Variants in QARS1 observed in about 807,000 individuals in gnomAD.
QARS1 encodes the protein glutamine--tRNA ligase.
QARS1 carries 79 observed loss-of-function variants against 106.9 expected under a neutral mutation model. That is an observed-to-expected ratio of 0.74 (90% CI 0.62 to 0.89). The LOEUF (loss-of-function observed/expected upper bound fraction) is 0.89, where lower values mean the gene tolerates loss of function less well. QARS1 is among the 40% of genes least tolerant of loss of function. The probability of loss-of-function intolerance (pLI) is 0.00; values close to 1 mark genes in which losing one functional copy is unlikely to be tolerated. For missense variants in QARS1, 966 were observed against 997.2 expected, an observed-to-expected ratio of 0.97 and a Z score of 0.42; for synonymous variants, 395 against 367.7, an observed-to-expected ratio of 1.07 and a Z score of -0.85.
intron 5 of QARS1, 64 bp from the exon 6 acceptor site, chr3:49,102,536 C>T: frequency 1.3e-6 from 2 of 1,574,270 alleles, no homozygotes; most frequent in Non-Finnish European, 1.7e-6. Flanking sequence ...CCTGACTGAT[C>T]CTACCCACCA....
chr3:49,104,056 G>A lies in QARS1; in HGVS notation c.266-84C>T, dbSNP rs566750018. 31 of 1,328,140 alleles carry A rather than the reference G, an allele frequency of 2.3e-5. No homozygotes were observed. The South Asian group carries it at 3.8e-4, about 16-fold the overall frequency. 82.3% of individuals were successfully genotyped at this position (1,328,140 alleles called of 1,614,324 possible). A position where few individuals can be genotyped will look rare whatever the true frequency, so the allele number is the denominator to read the frequency against. On this transcript the variant is annotated intron_variant, in intron 2 of 23. Coordinates refer to ENST00000306125, the MANE Select transcript of QARS1 (RefSeq NM_005051.3). ...GGTCCTAATCTCATGAAACTCCAAG[G>A]ATAGTCTGGCCTCCTGAAAAGTTAA...
Position 49,100,655 on chromosome 3 carries a change from A to G in QARS1, c.896T>C (p.Phe299Ser). The G allele has an allele frequency of 6.2e-7, 1 of 1,604,862 alleles. No homozygotes were observed. Among genetic ancestry groups the G allele is most frequent in the Non-Finnish European group, 8.5e-7 (1 of 1,171,480 alleles). ...GYAKANNGIC[F>S]LRFDDTNPEK... ...AGGGTTGGTGTCATCAAAACGCAGA[A>G]AACAGATGCCATTGTTGGCCTAGGA... Residue 299 changes from phenylalanine (F) to serine (S), a missense_variant, in exon 11 of 24, where the codon TTT becomes TCT. Transcript: ENST00000306125.
chr3:49,101,054 T>G (rs2042463815), intron 10 of QARS1, among the ~76,000 whole-genome samples: 2 of 152,190 alleles, frequency 1.3e-5, no homozygotes, highest in African/African-American at 4.8e-5. Context: ...ATGTCAGAAT[T>G]AAAAATGTCT....
At position 49,103,579 on chromosome 3, in the gene QARS1, G is replaced by C. The variant is rs749605427; in HGVS notation, c.451+52C>G. 3.8e-6 allele frequency: 6 copies of C among 1,591,922 alleles called. No homozygotes were observed. The East Asian group carries it at 1.1e-4, about 30-fold the overall frequency. On this transcript the variant is annotated intron_variant, in intron 4 of 23. Transcript: ENST00000306125. Reference sequence around the variant, plus strand: ...ACCTCCTTCTCACTCGTGCCCAGAAGAAAAGGCATGACCAGAGAGAACAAT... The same window carrying C: ...ACCTCCTTCTCACTCGTGCCCAGAACAAAAGGCATGACCAGAGAGAACAAT...
rs747099336 is a variant in QARS1, at chr3:49,102,275, G to GC, written c.571-11dup. 3 of 1,614,172 alleles carry GC rather than the reference G, an allele frequency of 1.9e-6. No homozygotes were observed. In the South Asian group the frequency reaches 3.3e-5, roughly 18 times the overall value. ...GCCGAGCTTTTGCCACCTGAAAGAA[G>GC]CCCCAGGTGCTTCAGAAAATGGCAT... On this transcript the variant is annotated splice_polypyrimidine_tract_variant and intron_variant, in intron 6 of 23. Coordinates refer to ENST00000306125, the MANE Select transcript of QARS1 (RefSeq NM_005051.3).
rs752835038 is a variant in QARS1, at chr3:49,100,378, A to C, written c.1055+2T>G. The C allele has an allele frequency of 6.2e-7, 1 of 1,614,214 alleles. No individual in the cohort carries two copies. The highest frequency in any genetic ancestry group is 1.3e-5 in the African/African-American group (1 of 75,056). ...GGCTCTACGTCATGGCCCTGGCCTT[A>C]CCTGCGGATGAGCTCCACAGCCCAC... On this transcript the variant is annotated splice_donor_variant, in intron 12 of 23. Transcript: ENST00000306125. LOFTEE classifies it high-confidence loss of function.
At chr3:49,100,751 C>CA in intron 10 of QARS1, 77 bp from the exon 11 acceptor site, 1 of 1,197,920 alleles carries the variant, frequency 8.3e-7, no homozygotes, top group Non-Finnish European at 1.2e-6. Context: ...CTAGGATATT[C>CA]ACAGAGCACT....
chr3:49,103,254 A>G (rs577190314), intron 5 of QARS1, 91 bp downstream of exon 5: 1 of 1,375,868 alleles, frequency 7.3e-7, no homozygotes, highest in East Asian at 2.3e-5. Context: ...CACCATGCCC[A>G]GCCCTCTTCC....
chr3:49,098,908 T>C lies in QARS1; in HGVS notation c.1840A>G (p.Ile614Val), dbSNP rs749765066. Residue 614 changes from isoleucine (I) to valine (V), a missense_variant, in exon 19 of 24, where the codon ATT becomes GTT. Transcript: ENST00000306125. ...ACCTCCTTGAAGTCAGTCCTCTCAA[T>C]GAAGACAATGGGTGCAAAGGGAACC... ...HQVPFAPIVF[I>V]ERTDFKEEPE... is the part of the protein sequence containing the mutation. 2 of 1,613,880 alleles carry C rather than the reference T, an allele frequency of 1.2e-6. No homozygotes were observed. Among genetic ancestry groups the C allele is most frequent in the East Asian group, 4.5e-5 (2 of 44,882 alleles).
chr3:49,096,720 A>C (rs2042395887), intron 23 of QARS1, among the ~76,000 whole-genome samples: 1 of 144,414 alleles, frequency 6.9e-6, no homozygotes, highest in African/African-American at 2.6e-5. Flanking sequence ...GAATGGCGTG[A>C]ACCCGGGAGG....
chr3:49,098,399 A>G lies in QARS1; in HGVS notation c.2038T>C (p.Trp680Arg). 3 of 1,614,160 alleles carry G rather than the reference A, an allele frequency of 1.9e-6. No homozygotes were observed. The highest frequency in any genetic ancestry group is 2.5e-6 in the Non-Finnish European group (3 of 1,180,028). ...AGEKPKAFIH[W>R]VSQPLMCEVR... is the part of the protein sequence containing the mutation. ...TCACACATCAAAGGCTGTGACACCCAGTGAATAAAGGCCTTTGGCTTCTCT... is the reference window on the plus strand; with the variant it reads ...TCACACATCAAAGGCTGTGACACCCGGTGAATAAAGGCCTTTGGCTTCTCT... The change falls in exon 21 of 24, where the codon TGG becomes CGG. Residue 680 changes from tryptophan to arginine, a missense_variant. By Grantham distance (101) the Trp-to-Arg change is moderately radical (BLOSUM62 -3). Coordinates refer to ENST00000306125, the MANE Select transcript of QARS1 (RefSeq NM_005051.3).
In QARS1 at chr3:49,101,698, G is replaced by C. The variant is rs772821386; in HGVS notation, c.711C>G (p.Asn237Lys). Residue 237 changes from asparagine to lysine, a missense_variant, in exon 9 of 24, where the codon AAC (asparagine) becomes AAG (lysine). Transcript: ENST00000306125. ...EALKFHKPGE[N>K]YKTPGYVVTP... The stretch of plus-strand genomic sequence containing the variant: ...TGACCACATAGCCTGGGGTCTTGTA[G>C]TTCTCACCTGCCAGGACCAGAATAA... The C allele has an allele frequency of 1.2e-6, 2 of 1,614,116 alleles. No homozygotes were observed. Among genetic ancestry groups the C allele is most frequent in the South Asian group, 1.1e-5 (1 of 91,080 alleles).
rs1215632056 is a variant in QARS1 at position 49,097,974 on chromosome 3, G to C, written c.2277+18C>G. 1 of 1,614,058 alleles carries C rather than the reference G, an allele frequency of 6.2e-7. No homozygotes were observed. On this transcript the variant is annotated intron_variant, in intron 23 of 23. Transcript: ENST00000306125. ...CTGTCACTGCTGCAGATGAGGGCAG[G>C]TGAGTAAAGTCAAGCACCTTTCCCT...
rs1017024643 is a variant in QARS1 at position 49,104,674 on chromosome 3, G to A, written c.60C>T (p.Ala20=). The change falls in exon 1 of 24, where the codon GCC becomes GCT. Residue 20 remains alanine (A), a synonymous_variant. Transcript: ENST00000306125. ...FTSLGLSEQK[A]RETLKNSALS... ...GAGCCGAGTTCTTGAGCGTCTCGCG[G>A]GCCTTCTGCTCGCTCAGGCCGAGGC... 1.9e-6 allele frequency: 3 copies of A among 1,610,726 alleles called. No individual in the cohort carries two copies. Among genetic ancestry groups the A allele is most frequent in the Non-Finnish European group, 2.5e-6 (3 of 1,177,738 alleles).
In QARS1 at chr3:49,099,980, G is replaced by T. The variant is rs1402402195; in HGVS notation, c.1276C>A (p.His426Asn). 5.1e-5 allele frequency: 82 copies of T among 1,614,066 alleles called. No individual in the cohort carries two copies. The highest frequency in any genetic ancestry group is 6.9e-5 in the Non-Finnish European group (81 of 1,180,028). ...VAYRVKYTPH[H>N]RTGDKWCIYP... ...ACCCACCATTTGTCCCCTGTGCGGT[G>T]GTGTGGTGTATACTTGACTCGATAG... The change falls in exon 14 of 24, where the codon CAC (histidine) becomes AAC (asparagine). Residue 426 changes from histidine to asparagine, a missense_variant. Physicochemically the swap from His to Asn is moderately conservative, Grantham distance 68. Transcript: ENST00000306125.
chr3:49,098,576 AG>A (rs1385283713), intron 20 of QARS1, 23 bp downstream of exon 20: 1 of 1,607,772 alleles, frequency 6.2e-7, no homozygotes, highest in Non-Finnish European at 8.5e-7. Context: ...GCACTGCAGT[AG>A]GAAGGCTGCA....
intron 1 of QARS1, 53 bp from the exon 2 acceptor site, chr3:49,104,524 C>T (rs771292522): frequency 3.1e-6 from 5 of 1,606,558 alleles, no homozygotes; most frequent in Non-Finnish European, 4.3e-6. Context: ...GAGGAAAGGG[C>T]GGGACAAACG....
At position 49,100,418 on chromosome 3, in the gene QARS1, A is replaced by G; in HGVS notation, c.1017T>C (p.Phe339=). The change falls in exon 12 of 24, where the codon TTT becomes TTC. Residue 339 remains phenylalanine (F), a synonymous_variant. Transcript: ENST00000306125. ...CCACAGCCCACGCATATAGCTGGTC[A>G]AAATAGTCAGACGCATATGTGACTT... ...PYKVTYASDY[F]DQLYAWAVEL... 1 of 1,614,264 alleles carries G rather than the reference A, an allele frequency of 6.2e-7. No homozygotes were observed.
intron 5 of QARS1, among the ~76,000 whole-genome samples, chr3:49,103,144 G>C (rs2042493117): frequency 6.6e-6 from 1 of 151,874 alleles, no homozygotes; most frequent in Non-Finnish European, 1.5e-5. Flanking sequence ...TTTCTGTAGA[G>C]AGGAGTTCTC....
Sources: allele counts gnomAD v4.1 joint callset (sites outside exome capture counted in the v4.1 genomes callset), GRCh38; gene constraint gnomAD v4.1.1; transcripts MANE v1.5; gene names NCBI Gene and HGNC (gene_info 2026-07-23, HGNC 2026-07-21).